Variants in URI1 observed in about 807,000 individuals in gnomAD.
URI1 encodes the protein unconventional prefoldin RPB5 interactor 1.
Under a neutral mutation model 60.2 loss-of-function variants are expected in URI1, and 39 were observed. The observed-to-expected ratio is 0.65, with a 90% confidence interval of 0.50 to 0.85. URI1 has a LOEUF of 0.85. Ranked by LOEUF, URI1 falls within the 40% of genes least tolerant of loss-of-function variation. The pLI, the probability that URI1 is intolerant of heterozygous loss-of-function variation, is 0.00. For missense variants in URI1, 691 were observed against 665.9 expected (o/e 1.04, Z -0.42); for synonymous variants, 251 against 236.8 (o/e 1.06, Z -0.55).
rs2055990084 is a variant in URI1, at chr19:30,009,360, A to T, written c.1035+7A>T. The T allele has an allele frequency of 6.2e-7, 1 of 1,604,286 alleles. No homozygotes were observed. The highest frequency in any genetic ancestry group is 1.3e-5 in the African/African-American group (1 of 74,560). On this transcript the variant is annotated splice_region_variant and intron_variant, in intron 8 of 10. Transcript: ENST00000392271. The stretch of plus-strand genomic sequence containing the variant: ...TACTGTTGAGCCTAAGAGGGTTTGT[A>T]TACTTTTAACTTTACTAATTTTGCA...
At chr19:29,956,958 C>G in intron 1 of URI1, 1 of 938,950 alleles carries the variant, frequency 1.1e-6, no homozygotes, top group Non-Finnish European at 1.7e-6. Flanking sequence ...TCTGGAATGT[C>G]AACAGTCTGA....
intron 1 of URI1, among the ~76,000 whole-genome samples, chr19:29,962,263 C>CT (rs894682343): frequency 2.3e-4 from 33 of 143,466 alleles, no homozygotes; most frequent in East Asian, 6.0e-4. Context: ...TTTTTCTCTG[C>CT]TTTTTTTTTT....
At position 30,015,384 on chromosome 19, in the gene URI1, A is replaced by T. The variant is rs1182520401; in HGVS notation, c.*315A>T. Reference sequence around the variant, plus strand: ...CATATGCATTGTTTTTGTGTTTCAAACTAAATACAGGCAGTTTTGTGCCAG... The same window carrying T: ...CATATGCATTGTTTTTGTGTTTCAATCTAAATACAGGCAGTTTTGTGCCAG... On this transcript the variant is annotated 3_prime_UTR_variant, in exon 11 of 11. Coordinates refer to ENST00000392271, the MANE Select transcript of URI1 (RefSeq NM_003796.3). 3 of 1,432,780 alleles carry T rather than the reference A, an allele frequency of 2.1e-6. No homozygotes were observed. The highest frequency in any genetic ancestry group is 2.7e-6 in the Non-Finnish European group (3 of 1,101,422). The allele number at this position is 1,432,780 out of a possible 1,614,324, so 88.8% of individuals were successfully genotyped here.
chr19:29,960,552 A>T (rs756615379), intron 1 of URI1, among the ~76,000 whole-genome samples: 1 of 152,046 alleles, frequency 6.6e-6, no homozygotes, highest in East Asian at 1.9e-4. Flanking sequence ...CTTGCCTTCA[A>T]GTCTCCTTTG....
chr19:29,960,421 A>G (rs1286529971), intron 1 of URI1, among the ~76,000 whole-genome samples: 1 of 151,890 alleles, frequency 6.6e-6, no homozygotes, highest in East Asian at 1.9e-4. Context: ...TCTTTTTTTA[A>G]CCTTTGCTTT....
In URI1 at chr19:30,014,944, C is replaced by T. The variant is rs77842821; in HGVS notation, c.1483C>T (p.Pro495Ser). Residue 495 changes from proline (P) to serine (S), a missense_variant, in exon 11 of 11, where the codon CCA (proline) becomes TCA (serine). Coordinates refer to ENST00000392271, the MANE Select transcript of URI1 (RefSeq NM_003796.3). ...TGTATCACCTTCCTTAACACCACCC[C>T]CAGCCATTGCTCATCCCGCACTACC... ...EFVSPSLTPP[P>S]AIAHPALPTI... The T allele has an allele frequency of 9.2e-5, 148 of 1,613,698 alleles. No homozygotes were observed. The East Asian group carries it at 3.3e-3, about 35-fold the overall frequency.
intron 1 of URI1, among the ~76,000 whole-genome samples, chr19:29,955,981 CT>C (rs1004370774): frequency 1.7e-3 from 243 of 144,622 alleles, no homozygotes; most frequent in Middle Eastern, 3.5e-3. Context: ...CCAGAGTAGT[CT>C]TTTTTTTTTT....
At chr19:29,940,563 C>T (rs1193331098), upstream of URI1, among the ~76,000 whole-genome samples, 1 of 152,020 alleles carries the variant, frequency 6.6e-6, no homozygotes, top group Non-Finnish European at 1.5e-5. Context: ...GCAGGAGAAT[C>T]GCTTGAACCC....
rs75112836 is a variant in URI1, at chr19:29,953,623, T to C, written c.117+10959T>C. Among the ~76,000 whole-genome samples, 531 of 152,296 alleles carry C rather than the reference T, an allele frequency of 3.5e-3. 5 individuals carry two copies. Among genetic ancestry groups the C allele is most frequent in the African/African-American group, 0.012 (516 of 41,580 alleles). On this transcript the variant is annotated intron_variant, in intron 1 of 10. Coordinates refer to ENST00000392271, the MANE Select transcript of URI1 (RefSeq NM_003796.3). ...TGCAGTAGACAATGGAAGGATGATA[T>C]TTTGCTGTTGATTGCATTATCCTTC...
chr19:29,969,402 A>G (rs186671215), intron 1 of URI1, among the ~76,000 whole-genome samples: 1 of 152,150 alleles, frequency 6.6e-6, no homozygotes, highest in Non-Finnish European at 1.5e-5. Context: ...TATGTGCCAA[A>G]TTTGCATATT....
chr19:29,971,877 A>C (rs572872852), intron 2 of URI1, among the ~76,000 whole-genome samples: 4 of 152,056 alleles, frequency 2.6e-5, no homozygotes, highest in African/African-American at 9.7e-5. Context: ...TCAAATTACA[A>C]TATATCCATG....
chr19:29,948,941 A>T (rs1461888718), intron 1 of URI1, among the ~76,000 whole-genome samples: 2 of 150,688 alleles, frequency 1.3e-5, no homozygotes, highest in African/African-American at 4.9e-5. Context: ...CCCACCTCCC[A>T]GACGGGACCG....
In URI1 at chr19:29,948,012, C is replaced by T. The variant is rs139040018; in HGVS notation, c.117+5348C>T. On this transcript the variant is annotated intron_variant, in intron 1 of 10. Transcript: ENST00000392271. Reference sequence around the variant, plus strand: ...TTTACTGTATGGATACCTAGTTGTCCCATCAGCATTTATTGGAAAGAGTGT... The same window carrying T: ...TTTACTGTATGGATACCTAGTTGTCTCATCAGCATTTATTGGAAAGAGTGT... 4.6e-5 allele frequency among the ~76,000 whole-genome samples: 7 copies of T among 152,218 alleles called. No individual in the cohort carries two copies. The East Asian group carries it at 1.3e-3, about 29-fold the overall frequency.
intron 4 of URI1, among the ~76,000 whole-genome samples, chr19:29,988,301 G>C (rs917245301): frequency 6.6e-6 from 1 of 152,122 alleles, no homozygotes; most frequent in African/African-American, 2.4e-5. Context: ...TTAAGGCAGA[G>C]GAAATATAAC....
intron 2 of URI1, among the ~76,000 whole-genome samples, chr19:29,979,108 T>C (rs553118221): frequency 9.8e-5 from 15 of 152,294 alleles, no homozygotes; most frequent in African/African-American, 2.9e-4. Context: ...AAAGAAAATA[T>C]AGAAAGTGTA....
chr19:29,945,652 T>C (rs1344088217), intron 1 of URI1, among the ~76,000 whole-genome samples: 1 of 152,216 alleles, frequency 6.6e-6, no homozygotes, highest in Non-Finnish European at 1.5e-5. Context: ...CAGCTTTGTT[T>C]ATAAAGAGAA....
At chr19:29,946,240 A>G (rs2055101692) in intron 1 of URI1, among the ~76,000 whole-genome samples, 1 of 152,128 alleles carries the variant, frequency 6.6e-6, no homozygotes, top group East Asian at 1.9e-4. Flanking sequence ...TATACCATAA[A>G]ATGTGTGGTC....
intron 4 of URI1, among the ~76,000 whole-genome samples, chr19:29,988,529 C>T (rs2055702650): frequency 6.6e-6 from 1 of 152,184 alleles, no homozygotes; most frequent in Non-Finnish European, 1.5e-5. Context: ...GGATTGACGA[C>T]TTCACGTCTG....
At position 30,009,950 on chromosome 19, in the gene URI1, C is replaced by T. The variant is rs1380992733; in HGVS notation, c.1035+597C>T. Reference sequence around the variant, plus strand: ...TCTAGTATGAAAAGCCTTTTGTTCCCTCCATACTTACTGTAGAATCCCAGT... The same window carrying T: ...TCTAGTATGAAAAGCCTTTTGTTCCTTCCATACTTACTGTAGAATCCCAGT... On this transcript the variant is annotated intron_variant, in intron 8 of 10. Transcript: ENST00000392271. Among the ~76,000 whole-genome samples, 6 of 152,200 alleles carry T rather than the reference C, an allele frequency of 3.9e-5. No individual in the cohort carries two copies. In the East Asian group the frequency reaches 5.8e-4, roughly 15 times the overall value.
Sources: gnomAD v4.1 joint callset for allele counts (sites outside exome capture counted in the v4.1 genomes callset) on GRCh38, gnomAD v4.1.1 for gene constraint, MANE v1.5 for transcripts, NCBI Gene and HGNC (gene_info 2026-07-23, HGNC 2026-07-21) for gene names.